Variants in ARMC2 observed in about 807,000 individuals in gnomAD.
The protein encoded by ARMC2 is armadillo repeat containing 2.
A neutral mutation model predicts 90.3 loss-of-function variants in ARMC2; 67 were observed. That is an observed-to-expected ratio of 0.74 (90% confidence interval 0.61 to 0.91). The LOEUF is 0.91. Ranked by LOEUF, ARMC2 falls within the 40% of genes least tolerant of loss-of-function variation. The probability of loss-of-function intolerance (pLI) is 0.00; values close to 1 mark genes in which losing one functional copy is unlikely to be tolerated. For synonymous variants in ARMC2, 393 were observed against 393.0 expected, an observed-to-expected ratio of 1.00 and a Z score of 0.00; for missense variants, 920 against 1,030.9, an observed-to-expected ratio of 0.89 and a Z score of 1.47.
chr6:108,958,363 G>A (rs1337028293), intron 13 of ARMC2, among the ~76,000 whole-genome samples: 1 of 152,192 alleles, frequency 6.6e-6, no homozygotes, highest in Non-Finnish European at 1.5e-5. Context: ...GTGAATTCTT[G>A]TAAGTGCATG....
chr6:108,932,538 TTTTTTG>T (rs1775643909), intron 11 of ARMC2, among the ~76,000 whole-genome samples: 1 of 139,328 alleles, frequency 7.2e-6, no homozygotes, highest in African/African-American at 2.8e-5. Flanking sequence ...TTTTTTTTTT[TTTTTTG>T]TTGAGACGGA....
At chr6:109,019,750 A>G in the ARMC2 span, among the ~76,000 whole-genome samples, 2 of 152,240 alleles carry the variant, frequency 1.3e-5, no homozygotes, top group Non-Finnish European at 2.9e-5. Context: ...TGATATCCAG[A>G]TAATTTTTAG....
chr6:109,037,614 T>C, the ARMC2 span, among the ~76,000 whole-genome samples: 4 of 152,230 alleles, frequency 2.6e-5, no homozygotes, highest in Non-Finnish European at 4.4e-5. Flanking sequence ...AATACTTTAA[T>C]TCTATAGATG....
At chr6:108,958,441 T>C (rs1010793362) in intron 13 of ARMC2, among the ~76,000 whole-genome samples, 2 of 152,200 alleles carry the variant, frequency 1.3e-5, no homozygotes, top group African/African-American at 2.4e-5. Context: ...TTATGATAAA[T>C]GCTTAGGAGC....
intron 8 of ARMC2, among the ~76,000 whole-genome samples, chr6:108,906,888 AAGGAGAT>A (rs1284639713): frequency 2.6e-5 from 4 of 152,218 alleles, no homozygotes; most frequent in Non-Finnish European, 5.9e-5. Flanking sequence ...GCAGGTACCA[AAGGAGAT>A]AATGAGAACT....
chr6:108,976,898 T>C (rs985062847), downstream of ARMC2, among the ~76,000 whole-genome samples: 9 of 152,226 alleles, frequency 5.9e-5, no homozygotes, highest in African/African-American at 1.9e-4. Context: ...TAAGAAGATT[T>C]TGGGCTGAGA....
chr6:108,990,029 A>C, the ARMC2 span, among the ~76,000 whole-genome samples: 1 of 152,210 alleles, frequency 6.6e-6, no homozygotes, highest in Non-Finnish European at 1.5e-5. Flanking sequence ...GTAGGTTTTG[A>C]CCAGAGTCTC....
chr6:108,969,617 T>C (rs1046048484), intron 17 of ARMC2, among the ~76,000 whole-genome samples: 7 of 152,248 alleles, frequency 4.6e-5, no homozygotes, highest in African/African-American at 1.7e-4. Context: ...ATGTATTATA[T>C]TTAGTAAAGA....
chr6:108,913,451 A>G (rs1253679527), intron 10 of ARMC2, among the ~76,000 whole-genome samples: 1 of 152,238 alleles, frequency 6.6e-6, no homozygotes, highest in Admixed American at 6.5e-5. Context: ...TTAGTCATCA[A>G]TGATGCACAG....
the ARMC2 span, among the ~76,000 whole-genome samples, chr6:108,980,607 C>T: frequency 4.1e-3 from 615 of 151,770 alleles, 1 homozygote; most frequent in Non-Finnish European, 7.0e-3. Flanking sequence ...CCACAGCCGC[C>T]CCTTCCCCCA....
chr6:108,980,594 C>A, the ARMC2 span, among the ~76,000 whole-genome samples: 1 of 152,312 alleles, frequency 6.6e-6, no homozygotes, highest in Admixed American at 6.5e-5. Context: ...GCTGACACTG[C>A]ACCCACAGCC....
At chr6:108,922,968 A>C (rs1030915998) in intron 10 of ARMC2, 5 of 152,232 alleles carry the variant, frequency 3.3e-5, no homozygotes, top group Non-Finnish European at 7.3e-5. Flanking sequence ...TAAGCAAGGA[A>C]ACTTACATTT....
intron 8 of ARMC2, among the ~76,000 whole-genome samples, chr6:108,906,514 C>T (rs1253977501): frequency 1.3e-5 from 2 of 151,580 alleles, no homozygotes; most frequent in East Asian, 3.9e-4. Flanking sequence ...AGATCTCGCT[C>T]TTGTCACCCA....
intron 2 of ARMC2, among the ~76,000 whole-genome samples, chr6:108,855,784 T>C (rs568516981): frequency 3.3e-4 from 50 of 152,352 alleles, no homozygotes; most frequent in African/African-American, 1.2e-3. Context: ...TATCTCATTG[T>C]TTTAAGTTAC....
intron 13 of ARMC2, among the ~76,000 whole-genome samples, chr6:108,954,247 A>G (rs907147473): frequency 1.4e-4 from 22 of 152,110 alleles, no homozygotes; most frequent in Admixed American, 1.4e-3. Context: ...GGCAACCCCT[A>G]TACTTTTTAG....
intron 5 of ARMC2, among the ~76,000 whole-genome samples, chr6:108,885,788 C>T (rs1778042412): frequency 6.6e-6 from 1 of 152,244 alleles, no homozygotes; most frequent in Admixed American, 6.5e-5. Context: ...TTGTCCACCC[C>T]TCTGTTGGCA....
chr6:109,044,430 C>T, the ARMC2 span, among the ~76,000 whole-genome samples: 14 of 147,916 alleles, frequency 9.5e-5, no homozygotes, highest in East Asian at 1.6e-3. Context: ...GACATCCATA[C>T]GCAAAGAAAA....
At chr6:109,044,745 C>T in the ARMC2 span, among the ~76,000 whole-genome samples, 5 of 152,090 alleles carry the variant, frequency 3.3e-5, no homozygotes, top group Middle Eastern at 3.4e-3. Flanking sequence ...TGAACTCAGC[C>T]GGGCGCAGTG....
chr6:108,925,081 G>T (rs1774980904), intron 10 of ARMC2, among the ~76,000 whole-genome samples: 1 of 152,124 alleles, frequency 6.6e-6, no homozygotes, highest in Admixed American at 6.6e-5. Context: ...TTTATTCTGT[G>T]ATGGATGGGG....
Sources: allele counts gnomAD v4.1 joint callset (sites outside exome capture counted in the v4.1 genomes callset), GRCh38; gene constraint gnomAD v4.1.1; transcripts MANE v1.5; gene names NCBI Gene and HGNC (gene_info 2026-07-23, HGNC 2026-07-21).